The following CHKA variants were observed in gnomAD, a reference collection of about 807,000 sequenced individuals.
CHKA encodes CHETK-alpha.
A neutral mutation model predicts 60.1 loss-of-function variants in CHKA; 34 were observed. That is an observed-to-expected ratio of 0.57 (90% CI 0.43 to 0.75). The LOEUF is 0.75. CHKA is among the 30% of genes least tolerant of loss of function. The pLI, the probability that CHKA is intolerant of heterozygous loss-of-function variation, is 0.00. For synonymous variants in CHKA, 217 were observed against 223.1 expected (o/e 0.97, Z 0.24); for missense variants, 563 against 561.3 (o/e 1.00, Z -0.03).
chr11:68,076,568 C>G (rs1047716341), intron 3 of CHKA, among the ~76,000 whole-genome samples: 1 of 152,144 alleles, frequency 6.6e-6, no homozygotes, highest in African/African-American at 2.4e-5. Flanking sequence ...CTGTGGTCCC[C>G]ACCACCACCC....
intron 10 of CHKA, among the ~76,000 whole-genome samples, chr11:68,062,801 CAG>C (rs1470117448): frequency 6.6e-6 from 1 of 152,116 alleles, no homozygotes; most frequent in East Asian, 1.9e-4. Context: ...GTTCAAGAAA[CAG>C]AAAGAGATGA....
At chr11:68,054,390 G>A (rs1855924385) in intron 11 of CHKA, among the ~76,000 whole-genome samples, 1 of 152,198 alleles carries the variant, frequency 6.6e-6, no homozygotes, top group African/African-American at 2.4e-5. Context: ...GGCACTGACT[G>A]ACCGACATAA....
intron 1 of CHKA, among the ~76,000 whole-genome samples, chr11:68,099,494 T>C (rs1262145528): frequency 6.6e-6 from 1 of 152,232 alleles, no homozygotes; most frequent in Non-Finnish European, 1.5e-5. Flanking sequence ...CAGGATCTAT[T>C]TTCCCAGAAG....
intron 1 of CHKA, among the ~76,000 whole-genome samples, chr11:68,097,776 T>C (rs1334642553): frequency 6.6e-6 from 1 of 152,142 alleles, no homozygotes; most frequent in Non-Finnish European, 1.5e-5. Flanking sequence ...TAGGAGCTTG[T>C]TCAAAAAACT....
chr11:68,092,327 A>C (rs1215060345), intron 2 of CHKA, among the ~76,000 whole-genome samples: 3 of 152,126 alleles, frequency 2.0e-5, no homozygotes, highest in Non-Finnish European at 4.4e-5. Context: ...TTTTGTTGTG[A>C]TAGGAACAAA....
At chr11:68,074,629 A>C in intron 4 of CHKA, 88 bp downstream of exon 4, 1 of 1,099,766 alleles carries the variant, frequency 9.1e-7, no homozygotes, top group East Asian at 2.4e-5. Context: ...GTGAAAACAC[A>C]GCATTGCAGG....
At chr11:68,087,039 A>C (rs1448368587) in intron 2 of CHKA, among the ~76,000 whole-genome samples, 2 of 152,242 alleles carry the variant, frequency 1.3e-5, no homozygotes, top group Admixed American at 1.3e-4. Flanking sequence ...ATTTATCTTC[A>C]AAGTATCTTT....
At chr11:68,113,926 G>A (rs989310924) in intron 1 of CHKA, among the ~76,000 whole-genome samples, 2 of 151,920 alleles carry the variant, frequency 1.3e-5, no homozygotes, top group African/African-American at 4.8e-5. Flanking sequence ...AGGAAGCGGA[G>A]GTTGCAGCAA....
chr11:68,072,724 G>C (rs1266019007), intron 4 of CHKA, among the ~76,000 whole-genome samples: 1 of 152,096 alleles, frequency 6.6e-6, no homozygotes, highest in Non-Finnish European at 1.5e-5. Context: ...GGGTGCAGTG[G>C]TTCACACCTG....
At chr11:68,061,201 G>A (rs914869262) in intron 11 of CHKA, among the ~76,000 whole-genome samples, 3 of 148,284 alleles carry the variant, frequency 2.0e-5, no homozygotes, top group Non-Finnish European at 3.0e-5. Context: ...CCACCTCCTG[G>A]GTTCAAGCGG....
At chr11:68,077,486 T>C (rs1323244037) in intron 3 of CHKA, among the ~76,000 whole-genome samples, 2 of 152,020 alleles carry the variant, frequency 1.3e-5, no homozygotes, top group Non-Finnish European at 2.9e-5. Context: ...GGAGGGAAAA[T>C]TGGTCCTACT....
chr11:68,068,591 T>C (rs549160105), intron 7 of CHKA, among the ~76,000 whole-genome samples: 2 of 152,202 alleles, frequency 1.3e-5, no homozygotes, highest in South Asian at 2.1e-4. Context: ...CTAATGTTTT[T>C]ATTTTTTGTA....
intron 10 of CHKA, among the ~76,000 whole-genome samples, chr11:68,063,181 G>A (rs1284821572): frequency 1.3e-5 from 2 of 152,130 alleles, no homozygotes; most frequent in Non-Finnish European, 2.9e-5. Context: ...GCATATGGTG[G>A]CCGCCACTCC....
chr11:68,068,841 C>A (rs761723901), intron 7 of CHKA, 38 bp downstream of exon 7: 1 of 1,498,386 alleles, frequency 6.7e-7, no homozygotes. Flanking sequence ...TAAGTATGCA[C>A]ACAAACCTCA....
intron 2 of CHKA, among the ~76,000 whole-genome samples, chr11:68,088,159 C>CA (rs1466426260): frequency 6.7e-6 from 1 of 148,510 alleles, no homozygotes; most frequent in African/African-American, 2.5e-5. Flanking sequence ...TAGCTAGACT[C>CA]AGTTTCCTCA....
At chr11:68,098,226 G>A (rs1246456084) in intron 1 of CHKA, among the ~76,000 whole-genome samples, 2 of 146,518 alleles carry the variant, frequency 1.4e-5, no homozygotes, top group African/African-American at 2.5e-5. Context: ...AGCCGTTATC[G>A]CGCCACTGTA....
intron 1 of CHKA, among the ~76,000 whole-genome samples, chr11:68,119,437 A>G (rs1858518646): frequency 1.3e-5 from 2 of 152,290 alleles, no homozygotes; most frequent in South Asian, 2.1e-4. Flanking sequence ...CTGTCAGCCA[A>G]TTAAAAGAAA....
chr11:68,095,741 G>T (rs1324700218), intron 2 of CHKA, among the ~76,000 whole-genome samples: 1 of 99,712 alleles, frequency 1.0e-5, no homozygotes, highest in East Asian at 3.4e-4. Flanking sequence ...AAAACAACAG[G>T]TATCAAAATC....
chr11:68,058,115 C>T (rs1217608365), intron 11 of CHKA, among the ~76,000 whole-genome samples: 2 of 152,088 alleles, frequency 1.3e-5, no homozygotes, highest in Non-Finnish European at 1.5e-5. Context: ...TGGTTTCCAA[C>T]TCCTGGGCTC....
Sources: gnomAD v4.1 joint callset for allele counts (sites outside exome capture counted in the v4.1 genomes callset) on GRCh38, gnomAD v4.1.1 for gene constraint, MANE v1.5 for transcripts, NCBI Gene and HGNC (gene_info 2026-07-23, HGNC 2026-07-21) for gene names.